The following ARFGEF2 variants were observed in gnomAD, a reference collection of about 807,000 sequenced individuals.
The protein encoded by ARFGEF2 is brefeldin A-inhibited guanine nucleotide-exchange protein 2.
In ARFGEF2, 74 loss-of-function variants were observed where a neutral mutation model predicts 219.9. The observed-to-expected ratio is 0.34, with a 90% confidence interval of 0.28 to 0.41. The LOEUF (loss-of-function observed/expected upper bound fraction) is 0.41, where lower values mean the gene tolerates loss of function less well. ARFGEF2 is among the 10% of genes least tolerant of loss of function. ARFGEF2 has a pLI of 1.00. For synonymous variants in ARFGEF2, 733 were observed against 799.2 expected, an observed-to-expected ratio of 0.92 and a Z score of 1.40; for missense variants, 1,743 against 2,218.3, an observed-to-expected ratio of 0.79 and a Z score of 4.30.
In ARFGEF2 at chr20:49,018,904, G is replaced by A. The variant is rs1311470186; in HGVS notation, c.4530G>A (p.Gln1510=). The A allele has an allele frequency of 6.2e-7, 1 of 1,613,880 alleles. No homozygotes were observed. Among genetic ancestry groups the A allele is most frequent in the African/African-American group, 1.3e-5 (1 of 74,930 alleles). Residue 1510 remains glutamine (Q), a synonymous_variant, in exon 34 of 39, where the codon CAG becomes CAA. Transcript: ENST00000371917. ...TTTAGGATGTGGATCTGGACCGCCA[G>A]TCTTTAAGCAGCATAGATAAAAATC... is the stretch of plus-strand genomic sequence containing the variant. ...EKHLDVDLDR[Q]SLSSIDKNPS...
intron 35 of ARFGEF2, among the ~76,000 whole-genome samples, chr20:49,024,175 G>A (rs1356249112): frequency 1.3e-5 from 2 of 152,066 alleles, no homozygotes; most frequent in Non-Finnish European, 2.9e-5. Flanking sequence ...GTTTTGCCAT[G>A]TTGCCCAGCC....
At position 48,951,505 on chromosome 20, in the gene ARFGEF2, T is replaced by C. The variant is rs548461668; in HGVS notation, c.423+36T>C. ...TTGTTTGCCTGTCTGGTTTTTAAATTAGAAAGCAAGTCCCTGTGGGAATCT... is the reference window on the plus strand; with the variant it reads ...TTGTTTGCCTGTCTGGTTTTTAAATCAGAAAGCAAGTCCCTGTGGGAATCT... On this transcript the variant is annotated intron_variant, in intron 4 of 38. Coordinates refer to ENST00000371917, the MANE Select transcript of ARFGEF2 (RefSeq NM_006420.3). The C allele has an allele frequency of 2.5e-5, 41 of 1,613,862 alleles. No individual in the cohort carries two copies. In the South Asian group the frequency reaches 4.1e-4, roughly 16 times the overall value.
chr20:49,003,099 C>T (rs1229835913), intron 25 of ARFGEF2, among the ~76,000 whole-genome samples: 23 of 151,164 alleles, frequency 1.5e-4, no homozygotes, highest in Admixed American at 1.5e-3. Flanking sequence ...TCCCCAGTAG[C>T]TGGGACTACA....
chr20:48,936,547 G>A (rs1255568298), intron 1 of ARFGEF2, among the ~76,000 whole-genome samples: 2 of 151,600 alleles, frequency 1.3e-5, no homozygotes, highest in Non-Finnish European at 2.9e-5. Context: ...TTTTTGAGAC[G>A]GAGTTTCCCT....
At chr20:48,991,875 G>A (rs759923867) in intron 21 of ARFGEF2, among the ~76,000 whole-genome samples, 16 of 152,140 alleles carry the variant, frequency 1.1e-4, no homozygotes, top group Non-Finnish European at 2.2e-4. Flanking sequence ...CTCTCTGATG[G>A]AAGTACACAA....
rs754186296 is a variant in ARFGEF2, at chr20:48,989,267, C to A, written c.2534-18C>A. 1 of 1,613,966 alleles carries A rather than the reference C, an allele frequency of 6.2e-7. No homozygotes were observed. Among genetic ancestry groups the A allele is most frequent in the Non-Finnish European group, 8.5e-7 (1 of 1,179,968 alleles). On this transcript the variant is annotated intron_variant, in intron 18 of 38. Transcript: ENST00000371917. The stretch of plus-strand genomic sequence containing the variant: ...CTCAGTGACTGCTAGCCACACCTAT[C>A]ATGCTCTTACTTTACAGATGTAGCT...
chr20:49,029,050 A>G (rs971406265), intron 37 of ARFGEF2, among the ~76,000 whole-genome samples: 1 of 152,236 alleles, frequency 6.6e-6, no homozygotes, highest in Admixed American at 6.5e-5. Flanking sequence ...GTTGTCAGCA[A>G]TAACATCCCA....
Position 48,991,189 on chromosome 20 carries a change from C to T in ARFGEF2, c.2964C>T (p.Ser988=). Residue 988 remains serine, a synonymous_variant, in exon 21 of 39, where the codon TCC becomes TCT. Coordinates refer to ENST00000371917, the MANE Select transcript of ARFGEF2 (RefSeq NM_006420.3). ...CCGATGGCAACTACCTTGGGAATTC[C>T]TGGCATGAGGTACGTGTCTCTTTGA... The part of the protein sequence containing the change: ...AHTDGNYLGN[S]WHEILKCISQ... 6.2e-7 allele frequency: 1 copy of T among 1,614,208 alleles called. No homozygotes were observed. The highest frequency in any genetic ancestry group is 8.5e-7 in the Non-Finnish European group (1 of 1,180,032).
Position 49,018,432 on chromosome 20 carries a change from C to T in ARFGEF2, c.4510-452C>T, listed in dbSNP as rs2091544487. 5.3e-5 allele frequency among the ~76,000 whole-genome samples: 8 copies of T among 152,170 alleles called. 1 individual carries two copies. The highest frequency in any genetic ancestry group is 1.9e-4 in the African/African-American group (8 of 41,520). ...TGTATTTTTAGCAGAGATGGGGTTTCGCCATGTTGACCAGGCTGGTCTTGA... is the reference window on the plus strand; with the variant it reads ...TGTATTTTTAGCAGAGATGGGGTTTTGCCATGTTGACCAGGCTGGTCTTGA... On this transcript the variant is annotated intron_variant, in intron 33 of 38. Coordinates refer to ENST00000371917, the MANE Select transcript of ARFGEF2 (RefSeq NM_006420.3).
At chr20:48,962,216 A>G (rs1334214422) in intron 6 of ARFGEF2, among the ~76,000 whole-genome samples, 1 of 152,214 alleles carries the variant, frequency 6.6e-6, no homozygotes, top group South Asian at 2.1e-4. Context: ...TAACAAACTA[A>G]TAACATAGTG....
intron 3 of ARFGEF2, among the ~76,000 whole-genome samples, chr20:48,950,821 T>A (rs1238424910): frequency 0.11 from 10,158 of 90,108 alleles, 684 homozygotes; most frequent in Non-Finnish European, 0.14. Flanking sequence ...AATATATATA[T>A]ATATATATAT....
rs1009915788 is a variant in ARFGEF2, at chr20:49,034,028, C to G, written c.*829C>G. On this transcript the variant is annotated 3_prime_UTR_variant, in exon 39 of 39. Transcript: ENST00000371917. ...GAATACACTGTCCATCTCACACACTCTGAAATCTAATATATGAAGTAGTAA... is the reference window on the plus strand; with the variant it reads ...GAATACACTGTCCATCTCACACACTGTGAAATCTAATATATGAAGTAGTAA... The G allele has an allele frequency of 2.6e-5, 4 of 152,178 alleles. No individual in the cohort carries two copies. Among genetic ancestry groups the G allele is most frequent in the African/African-American group, 9.7e-5 (4 of 41,440 alleles). 9.4% of individuals were successfully genotyped at this position (152,178 alleles called of 1,614,324 possible).
At chr20:48,950,811 A>ATATATAT (rs1555808097) in intron 3 of ARFGEF2, among the ~76,000 whole-genome samples, 1 of 64,506 alleles carries the variant, frequency 1.6e-5, no homozygotes, top group Non-Finnish European at 2.6e-5. Flanking sequence ...AAAAAAAAAA[A>ATATATAT]ATATATATAT....
At chr20:48,972,787 T>A (rs1306224432) in intron 11 of ARFGEF2, among the ~76,000 whole-genome samples, 1 of 152,246 alleles carries the variant, frequency 6.6e-6, no homozygotes, top group African/African-American at 2.4e-5. Flanking sequence ...CCTTACACTA[T>A]ACAATTGTGT....
chr20:49,009,634 A>C (rs1248926016), intron 26 of ARFGEF2, among the ~76,000 whole-genome samples: 1 of 152,184 alleles, frequency 6.6e-6, no homozygotes, highest in Admixed American at 6.5e-5. Flanking sequence ...GTTCCAGAAA[A>C]TCAGCCATTT....
At chr20:49,029,243 T>G (rs2091620138) in intron 37 of ARFGEF2, among the ~76,000 whole-genome samples, 1 of 152,230 alleles carries the variant, frequency 6.6e-6, no homozygotes, top group African/African-American at 2.4e-5. Context: ...CTGAGCTTTC[T>G]TTTCTTCCTC....
intron 12 of ARFGEF2, among the ~76,000 whole-genome samples, chr20:48,973,768 C>G (rs2091243295): frequency 6.6e-6 from 1 of 152,088 alleles, no homozygotes; most frequent in Non-Finnish European, 1.5e-5. Flanking sequence ...TCCGAGCTCC[C>G]TGGAATTGTG....
At chr20:48,988,779 T>C (rs2091340949) in intron 18 of ARFGEF2, 117 bp downstream of exon 18, 1 of 934,964 alleles carries the variant, frequency 1.1e-6, no homozygotes, top group Admixed American at 2.3e-5. Flanking sequence ...GAATAGGAAA[T>C]GTGATTGAAT....
At position 49,032,034 on chromosome 20, in the gene ARFGEF2, C is replaced by T. The variant is rs1568748609; in HGVS notation, c.5064-15C>T. ...TCAATTGTTTGATATGCCTCCCCCT[C>T]TCTAATTCTTCTAGTGTTTGCAGTG... On this transcript the variant is annotated splice_polypyrimidine_tract_variant and intron_variant, in intron 37 of 38. Coordinates refer to ENST00000371917, the MANE Select transcript of ARFGEF2 (RefSeq NM_006420.3). The T allele has an allele frequency of 6.3e-7, 1 of 1,576,240 alleles. No homozygotes were observed. The highest frequency in any genetic ancestry group is 1.3e-5 in the African/African-American group (1 of 74,318).
Sources: allele counts gnomAD v4.1 joint callset (sites outside exome capture counted in the v4.1 genomes callset), GRCh38; gene constraint gnomAD v4.1.1; transcripts MANE v1.5; gene names NCBI Gene and HGNC (gene_info 2026-07-23, HGNC 2026-07-21).